STPG2: variants seen among roughly 807,000 people sequenced by gnomAD.
The protein encoded by STPG2 is sperm tail PG-rich repeat containing 2.
STPG2 carries 56 observed loss-of-function variants against 54.2 expected under a neutral mutation model. The ratio of observed to expected loss-of-function variants is 1.03; its 90% CI spans 0.83 to 1.29. The LOEUF is 1.29. STPG2 is among the 50% of genes most tolerant of loss of function. The probability of loss-of-function intolerance (pLI) is 0.00; values close to 1 mark genes in which losing one functional copy is unlikely to be tolerated. For synonymous variants in STPG2, 200 were observed against 181.8 expected (o/e 1.10, Z -0.81); for missense variants, 596 against 544.9 (o/e 1.09, Z -0.93).
At chr4:97,937,814 C>T (rs1313675086) in intron 8 of STPG2, among the ~76,000 whole-genome samples, 2 of 152,154 alleles carry the variant, frequency 1.3e-5, no homozygotes, top group Admixed American at 6.5e-5. Context: ...AGGAACACTC[C>T]TGTATATGGT....
intron 5 of STPG2, among the ~76,000 whole-genome samples, chr4:98,095,688 TAAAGA>T (rs1738838011): frequency 6.6e-6 from 1 of 152,076 alleles, no homozygotes; most frequent in South Asian, 2.1e-4. Context: ...TTATAAGAGC[TAAAGA>T]AAAGATATAC....
chr4:97,599,144 A>G (rs1007552975), intron 10 of STPG2, among the ~76,000 whole-genome samples: 2 of 152,220 alleles, frequency 1.3e-5, no homozygotes, highest in East Asian at 3.8e-4. Flanking sequence ...CAGCAAGCAT[A>G]TGAAAAAAAC....
chr4:97,835,417 G>A lies in STPG2; in HGVS notation c.1204+5356C>T, dbSNP rs893306200. The stretch of plus-strand genomic sequence containing the variant: ...AAAATGGACAACCAACAGCCCCTAG[G>A]GCTGCTCTGTCTATGGAGTAGCCAT... On this transcript the variant is annotated intron_variant, in intron 9 of 10. Coordinates refer to ENST00000295268, the MANE Select transcript of STPG2 (RefSeq NM_174952.3). Among the ~76,000 whole-genome samples, 21 of 152,118 alleles carry A rather than the reference G, an allele frequency of 1.4e-4. No homozygotes were observed. In the South Asian group the frequency reaches 2.3e-3, roughly 17 times the overall value.
At chr4:97,774,740 C>T (rs1205802009) in intron 9 of STPG2, among the ~76,000 whole-genome samples, 31 of 152,188 alleles carry the variant, frequency 2.0e-4, no homozygotes, top group Admixed American at 2.0e-3. Flanking sequence ...AGTATAGGAT[C>T]ATAGTGTTGG....
chr4:97,654,850 T>C (rs1241763182), intron 10 of STPG2, among the ~76,000 whole-genome samples: 1 of 152,042 alleles, frequency 6.6e-6, no homozygotes, highest in Non-Finnish European at 1.5e-5. Flanking sequence ...ATATATAATA[T>C]ACATAAATAC....
At chr4:97,936,335 C>T (rs900997138) in intron 8 of STPG2, among the ~76,000 whole-genome samples, 9 of 152,110 alleles carry the variant, frequency 5.9e-5, no homozygotes, top group South Asian at 2.1e-4. Flanking sequence ...ATCCAATTTG[C>T]GGGTCTGTGC....
chr4:98,051,105 C>A (rs1225804436), intron 5 of STPG2, among the ~76,000 whole-genome samples: 1 of 151,892 alleles, frequency 6.6e-6, no homozygotes, highest in East Asian at 1.9e-4. Context: ...CAAACAATTG[C>A]TGAATCCTGT....
chr4:98,142,975 C>G, intron 1 of STPG2, 67 bp downstream of exon 1: 2 of 1,374,644 alleles, frequency 1.5e-6, no homozygotes, highest in Non-Finnish European at 2.0e-6. Flanking sequence ...CTCACAAGCA[C>G]GCAGAAGCGG....
intron 9 of STPG2, among the ~76,000 whole-genome samples, chr4:97,795,245 G>A (rs1041357718): frequency 3.9e-5 from 6 of 151,946 alleles, no homozygotes; most frequent in Admixed American, 2.6e-4. Flanking sequence ...TGTGCACCAC[G>A]TGCAGGTTTG....
At chr4:97,901,735 A>G (rs1731184577) in intron 8 of STPG2, among the ~76,000 whole-genome samples, 1 of 151,992 alleles carries the variant, frequency 6.6e-6, no homozygotes, top group Non-Finnish European at 1.5e-5. Context: ...CTGTCAAAAC[A>G]TTACTGAAAG....
intron 6 of STPG2, among the ~76,000 whole-genome samples, chr4:97,975,432 GTCTTT>G (rs1404942574): frequency 6.6e-6 from 1 of 152,008 alleles, no homozygotes; most frequent in Non-Finnish European, 1.5e-5. Context: ...TTTAATTTTT[GTCTTT>G]TATTTTTCTG....
At chr4:97,710,850 A>G (rs1012511498) in intron 10 of STPG2, among the ~76,000 whole-genome samples, 3 of 152,088 alleles carry the variant, frequency 2.0e-5, no homozygotes, top group East Asian at 1.9e-4. Context: ...AAACAAAATT[A>G]CAGACTCAGT....
chr4:97,730,111 G>A (rs1458922021), intron 9 of STPG2, among the ~76,000 whole-genome samples: 1 of 152,126 alleles, frequency 6.6e-6, no homozygotes, highest in African/African-American at 2.4e-5. Flanking sequence ...CAGGCAGAGT[G>A]CATAGTAAGC....
intron 8 of STPG2, among the ~76,000 whole-genome samples, chr4:97,923,693 T>C (rs988131957): frequency 5.3e-5 from 8 of 152,206 alleles, no homozygotes; most frequent in Non-Finnish European, 2.9e-5. Flanking sequence ...TAAGGGATTG[T>C]GAATGCACCA....
At chr4:97,875,127 T>C (rs1730128310) in intron 8 of STPG2, among the ~76,000 whole-genome samples, 1 of 151,996 alleles carries the variant, frequency 6.6e-6, no homozygotes, top group Non-Finnish European at 1.5e-5. Context: ...TTAATAATAA[T>C]GGCTTTGGTT....
intron 8 of STPG2, among the ~76,000 whole-genome samples, chr4:97,867,586 T>C (rs533165857): frequency 2.4e-4 from 37 of 152,204 alleles, no homozygotes; most frequent in African/African-American, 8.2e-4. Context: ...CCATTTTAGA[T>C]GTTATAAAGC....
At chr4:98,110,412 G>T (rs564001635) in intron 3 of STPG2, among the ~76,000 whole-genome samples, 1 of 152,072 alleles carries the variant, frequency 6.6e-6, no homozygotes, top group African/African-American at 2.4e-5. Flanking sequence ...CCCTCTAGGC[G>T]CATTCAACTG....
intron 8 of STPG2, among the ~76,000 whole-genome samples, chr4:97,879,502 A>G (rs1296349361): frequency 6.6e-6 from 1 of 152,164 alleles, no homozygotes; most frequent in Non-Finnish European, 1.5e-5. Context: ...AGAATGAAGC[A>G]AAAGTGGTTT....
chr4:98,068,791 C>G (rs1737912206), intron 5 of STPG2, among the ~76,000 whole-genome samples: 1 of 152,020 alleles, frequency 6.6e-6, no homozygotes. Context: ...TACTACACAC[C>G]TAGGCTATAC....
Sources: gnomAD v4.1 joint callset for allele counts (sites outside exome capture counted in the v4.1 genomes callset) on GRCh38, gnomAD v4.1.1 for gene constraint, MANE v1.5 for transcripts, NCBI Gene and HGNC (gene_info 2026-07-23, HGNC 2026-07-21) for gene names.